Variants in SUFU observed in about 807,000 individuals in gnomAD.
The protein encoded by SUFU is SUFU negative regulator of hedgehog signaling.
A neutral mutation model predicts 58.9 loss-of-function variants in SUFU; 7 were observed. The ratio of observed to expected loss-of-function variants is 0.12; its 90% CI spans 0.07 to 0.22. SUFU has a LOEUF of 0.22. Ranked by LOEUF, SUFU falls within the 10% of genes least tolerant of loss-of-function variation. SUFU has a pLI of 1.00. For missense variants in SUFU, 451 were observed against 641.3 expected (o/e 0.70, Z 3.20); for synonymous variants, 232 against 254.8 (o/e 0.91, Z 0.85).
intron 3 of SUFU, among the ~76,000 whole-genome samples, chr10:102,564,365 C>T (rs1245107454): frequency 6.6e-6 from 1 of 152,196 alleles, no homozygotes. Context: ...CAGAGTCTCA[C>T]TCTGTCACCC....
At chr10:102,542,771 C>T (rs558243607) in intron 2 of SUFU, among the ~76,000 whole-genome samples, 8 of 152,154 alleles carry the variant, frequency 5.3e-5, no homozygotes, top group African/African-American at 1.7e-4. Flanking sequence ...ACTACAGGCA[C>T]GTGCCACCAT....
intron 2 of SUFU, among the ~76,000 whole-genome samples, chr10:102,522,603 G>C (rs746798758): frequency 2.0e-5 from 3 of 152,070 alleles, no homozygotes; most frequent in Non-Finnish European, 4.4e-5. Context: ...TACCATTTAG[G>C]GCTTCTGTCA....
intron 2 of SUFU, among the ~76,000 whole-genome samples, chr10:102,545,745 G>A (rs2062848739): frequency 6.6e-6 from 1 of 152,180 alleles, no homozygotes; most frequent in African/African-American, 2.4e-5. Context: ...AGGTAGAGGC[G>A]GGCAGATCAT....
rs191378320 is a variant in SUFU at position 102,552,144 on chromosome 10, C to T, written c.454+2038C>T. Among the ~76,000 whole-genome samples, 163 of 152,212 alleles carry T rather than the reference C, an allele frequency of 1.1e-3. 1 individual carries two copies. The highest frequency in any genetic ancestry group is 1.2e-3 in the East Asian group (6 of 5,182). On this transcript the variant is annotated intron_variant, in intron 3 of 11. Coordinates refer to ENST00000369902, the MANE Select transcript of SUFU (RefSeq NM_016169.4). ...GCAGACAAATACAGATTGTGAGACA[C>T]TTTACAAGACAAATGCCTATATTCT...
chr10:102,616,882 T>C (rs2063692037), intron 9 of SUFU, among the ~76,000 whole-genome samples: 3 of 152,188 alleles, frequency 2.0e-5, no homozygotes, highest in Admixed American at 2.0e-4. Context: ...CAGGGAAACT[T>C]GTCTAGACGC....
At chr10:102,614,519 C>T (rs2063662311) in intron 8 of SUFU, among the ~76,000 whole-genome samples, 1 of 150,568 alleles carries the variant, frequency 6.6e-6, no homozygotes, top group African/African-American at 2.4e-5. Context: ...GATCGTGCCA[C>T]TGCACTCCAG....
At chr10:102,548,418 T>C (rs1324046571) in intron 2 of SUFU, among the ~76,000 whole-genome samples, 2 of 152,090 alleles carry the variant, frequency 1.3e-5, no homozygotes, top group East Asian at 3.9e-4. Context: ...ATGATCATGA[T>C]GAAGAAAAGA....
rs116612367 is a variant in SUFU at position 102,513,880 on chromosome 10, T to A, written c.317+4577T>A. ...TATCCTCTCCTTTTTTAAACTGATA[T>A]GAATTTATTTTTATTTTTATTTTTG... is the stretch of plus-strand genomic sequence containing the variant. On this transcript the variant is annotated intron_variant, in intron 2 of 11. Coordinates refer to ENST00000369902, the MANE Select transcript of SUFU (RefSeq NM_016169.4). 1.5e-4 allele frequency among the ~76,000 whole-genome samples: 23 copies of A among 152,258 alleles called. No homozygotes were observed. The East Asian group carries it at 4.4e-3, about 29-fold the overall frequency.
At chr10:102,624,008 G>A (rs969484671) in intron 10 of SUFU, among the ~76,000 whole-genome samples, 1 of 152,166 alleles carries the variant, frequency 6.6e-6, no homozygotes, top group African/African-American at 2.4e-5. Context: ...AAGTGGGGAT[G>A]ATAGTCACCT....
intron 2 of SUFU, among the ~76,000 whole-genome samples, chr10:102,513,083 A>C (rs1254670591): frequency 6.6e-6 from 1 of 152,014 alleles, no homozygotes; most frequent in Non-Finnish European, 1.5e-5. Flanking sequence ...ATAAATAAAG[A>C]AAGAAAAATA....
At chr10:102,596,602 T>C (rs10786689) in intron 6 of SUFU, among the ~76,000 whole-genome samples, 68,977 of 152,084 alleles carry the variant, frequency 0.45, 16,051 homozygotes, top group East Asian at 0.68. Flanking sequence ...CCAGCCTTTG[T>C]TCTCCAGTGG....
At chr10:102,560,092 T>C (rs920387072) in intron 3 of SUFU, among the ~76,000 whole-genome samples, 3 of 152,116 alleles carry the variant, frequency 2.0e-5, no homozygotes, top group Non-Finnish European at 4.4e-5. Context: ...TTTTTTTTTG[T>C]TTTCACATTT....
chr10:102,538,263 A>G (rs1418077419), intron 2 of SUFU, among the ~76,000 whole-genome samples: 2 of 152,146 alleles, frequency 1.3e-5, no homozygotes, highest in South Asian at 4.1e-4. Context: ...GCCAGAACTC[A>G]TATAATACCG....
In SUFU at chr10:102,550,090, A is replaced by T. The variant is rs775280499; in HGVS notation, c.438A>T (p.Arg146=). The change falls in exon 3 of 12, where the codon CGA becomes CGT. Residue 146 remains arginine (R), a synonymous_variant. Transcript: ENST00000369902. ...WPAELMQGLA[R]YVFQSENTFC... ...CAGAGTTAATGCAGGGCTTGGCACG[A>T]TACGTGTTCCAGTCAGGTAGGAGGC... 6.2e-7 allele frequency: 1 copy of T among 1,614,190 alleles called. No individual in the cohort carries two copies. The highest frequency in any genetic ancestry group is 8.5e-7 in the Non-Finnish European group (1 of 1,180,036).
Position 102,509,158 on chromosome 10 carries a change from G to T in SUFU, c.183-11G>T, listed in dbSNP as rs760239843. ...GCTTACACTAACACCCCTGTGTTTT[G>T]TTTTTTGCAGGTTGGGTGGCCCAGA... On this transcript the variant is annotated splice_polypyrimidine_tract_variant and intron_variant, in intron 1 of 11. Transcript: ENST00000369902. 10 of 1,613,930 alleles carry T rather than the reference G, an allele frequency of 6.2e-6. No homozygotes were observed. Among genetic ancestry groups the T allele is most frequent in the Non-Finnish European group, 8.5e-6 (10 of 1,180,016 alleles).
At chr10:102,512,783 G>A (rs2135633162) in intron 2 of SUFU, among the ~76,000 whole-genome samples, 1 of 152,318 alleles carries the variant, frequency 6.6e-6, no homozygotes, top group South Asian at 2.1e-4. Flanking sequence ...TACTTCTATA[G>A]GCTGCGCATG....
rs770760216 is a variant in SUFU at position 102,628,577 on chromosome 10, G to A, written c.1365+1334G>A. On this transcript the variant is annotated intron_variant, in intron 11 of 11. Transcript: ENST00000369902. The surrounding 1 kb of genome is among the most constrained non-coding windows in gnomAD (Gnocchi z 4.5). ...TGCTTTGAGCTTGGGGGTAGGAGGG[G>A]GACAGTCCAGGCAAGAGGGACAGAA... Among the ~76,000 whole-genome samples, 1 of 152,146 alleles carries A rather than the reference G, an allele frequency of 6.6e-6. No individual in the cohort carries two copies. Among genetic ancestry groups the A allele is most frequent in the Non-Finnish European group, 1.5e-5 (1 of 68,022 alleles).
intron 8 of SUFU, among the ~76,000 whole-genome samples, chr10:102,610,898 G>T (rs1313685185): frequency 6.6e-6 from 1 of 152,200 alleles, no homozygotes. Context: ...AAAGCCCGAG[G>T]GAGATTTCGT....
chr10:102,604,338 A>G (rs1208989502), intron 8 of SUFU, among the ~76,000 whole-genome samples: 2 of 152,208 alleles, frequency 1.3e-5, no homozygotes, highest in South Asian at 2.1e-4. Context: ...TCAGAAATAC[A>G]TATTTGAAAG....
Sources: allele counts gnomAD v4.1 joint callset (sites outside exome capture counted in the v4.1 genomes callset), GRCh38; gene constraint gnomAD v4.1.1; non-coding constraint Gnocchi (gnomAD v3.1); transcripts MANE v1.5; gene names NCBI Gene and HGNC (gene_info 2026-07-23, HGNC 2026-07-21).